The following NMNAT2 variants were observed in gnomAD, a reference collection of about 807,000 sequenced individuals.
NMNAT2 encodes the protein nicotinamide nucleotide adenylyltransferase 2.
NMNAT2 carries 11 observed loss-of-function variants against 41.6 expected under a neutral mutation model. The observed-to-expected ratio is 0.26, with a 90% CI of 0.17 to 0.44. The LOEUF is 0.44. Among genes scored for constraint, NMNAT2 ranks in the 20% least tolerant of loss-of-function variants. The pLI is 1.00. For synonymous variants in NMNAT2, 148 were observed against 151.2 expected (o/e 0.98, Z 0.16); for missense variants, 288 against 407.7 (o/e 0.71, Z 2.53).
At chr1:183,350,626 T>C (rs1352483904) in intron 1 of NMNAT2, among the ~76,000 whole-genome samples, 2 of 152,206 alleles carry the variant, frequency 1.3e-5, no homozygotes, top group Non-Finnish European at 2.9e-5. Context: ...ATTTTACATC[T>C]AAATGAGACT....
At chr1:183,288,554 G>A (rs967357065) in intron 4 of NMNAT2, among the ~76,000 whole-genome samples, 3 of 152,226 alleles carry the variant, frequency 2.0e-5, no homozygotes, top group Admixed American at 1.3e-4. Context: ...AGTTCAGGAA[G>A]CCCGGGCATT....
chr1:183,326,768 C>T (rs1443970759), intron 1 of NMNAT2, among the ~76,000 whole-genome samples: 2 of 152,000 alleles, frequency 1.3e-5, no homozygotes, highest in Non-Finnish European at 2.9e-5. Context: ...TTGCAATGGA[C>T]AAGGTGAGAC....
chr1:183,412,450 C>A (rs1649145703), intron 1 of NMNAT2, among the ~76,000 whole-genome samples: 1 of 152,188 alleles, frequency 6.6e-6, no homozygotes, highest in Non-Finnish European at 1.5e-5. Flanking sequence ...GTCTCGATCT[C>A]CTGACCTCAT....
intron 1 of NMNAT2, among the ~76,000 whole-genome samples, chr1:183,417,566 C>T (rs752439981): frequency 1.3e-5 from 2 of 152,144 alleles, no homozygotes; most frequent in African/African-American, 2.4e-5. Context: ...AGGGCCCCCT[C>T]CCTATTCACT....
intron 1 of NMNAT2, among the ~76,000 whole-genome samples, chr1:183,310,982 C>T (rs1302238227): frequency 1.3e-5 from 2 of 152,164 alleles, no homozygotes; most frequent in African/African-American, 2.4e-5. Flanking sequence ...AAAGGGATTT[C>T]CCAGCTACCC....
intron 1 of NMNAT2, chr1:183,304,816 G>T (rs1661959429): frequency 5.6e-6 from 9 of 1,605,586 alleles, no homozygotes; most frequent in Non-Finnish European, 7.6e-6. Flanking sequence ...TGGTGCAGCT[G>T]CTCCCTCATT....
At chr1:183,269,382 A>C (rs1228070329) in intron 8 of NMNAT2, among the ~76,000 whole-genome samples, 1 of 152,242 alleles carries the variant, frequency 6.6e-6, no homozygotes, top group Non-Finnish European at 1.5e-5. Flanking sequence ...ACAGGACTTG[A>C]AACTTCCATC....
chr1:183,339,128 C>T (rs895733114), intron 1 of NMNAT2, among the ~76,000 whole-genome samples: 2 of 151,988 alleles, frequency 1.3e-5, no homozygotes, highest in East Asian at 3.9e-4. Context: ...GATGGAGTCT[C>T]GCTCTGTCGC....
intron 1 of NMNAT2, among the ~76,000 whole-genome samples, chr1:183,308,055 T>C (rs1282252972): frequency 1.3e-5 from 2 of 152,158 alleles, no homozygotes; most frequent in Non-Finnish European, 2.9e-5. Context: ...AGGTTATTGA[T>C]TGAGCTCTGC....
At chr1:183,394,057 G>GA in intron 1 of NMNAT2, among the ~76,000 whole-genome samples, 1 of 152,284 alleles carries the variant, frequency 6.6e-6, no homozygotes, top group Non-Finnish European at 1.5e-5. Context: ...GCTATGAAGG[G>GA]AAAAGAGATA....
rs1237741037 is a variant in NMNAT2, at chr1:183,310,824, G to A, written c.86-17031C>T. Among the ~76,000 whole-genome samples, 4 of 149,766 alleles carry A rather than the reference G, an allele frequency of 2.7e-5. No individual in the cohort carries two copies. In the East Asian group the frequency reaches 8.0e-4, roughly 30 times the overall value. ...GAAACTCATAATGCCAACACAGGTG[G>A]AAGAATTATGGCCCCAAGGGAAGGA... is the stretch of plus-strand genomic sequence containing the variant. On this transcript the variant is annotated intron_variant, in intron 1 of 10. Coordinates refer to ENST00000287713, the MANE Select transcript of NMNAT2 (RefSeq NM_015039.4).
At chr1:183,363,579 TACAC>T (rs146304060) in intron 1 of NMNAT2, among the ~76,000 whole-genome samples, 24 of 147,588 alleles carry the variant, frequency 1.6e-4, no homozygotes, top group African/African-American at 5.0e-4. Flanking sequence ...CACACACACA[TACAC>T]ACACACACAC....
chr1:183,300,522 T>C (rs1285524058), intron 1 of NMNAT2, among the ~76,000 whole-genome samples: 1 of 152,072 alleles, frequency 6.6e-6, no homozygotes, highest in Non-Finnish European at 1.5e-5. Flanking sequence ...CCCAGAACTG[T>C]GAGCAATAAA....
chr1:183,361,113 A>G (rs1328980164), intron 1 of NMNAT2, among the ~76,000 whole-genome samples: 7 of 152,228 alleles, frequency 4.6e-5, no homozygotes, highest in Admixed American at 2.0e-4. Flanking sequence ...TGTTCAATAC[A>G]TGCCAATCAC....
At chr1:183,284,875 G>A (rs566697409) in intron 5 of NMNAT2, 85 bp from the exon 6 acceptor site, 51 of 1,087,026 alleles carry the variant, frequency 4.7e-5, no homozygotes, top group Non-Finnish European at 6.0e-5. Context: ...CATTGGGGCC[G>A]CTGTAAACAT....
chr1:183,311,522 C>A (rs751961636), intron 1 of NMNAT2, among the ~76,000 whole-genome samples: 3 of 152,056 alleles, frequency 2.0e-5, no homozygotes, highest in Non-Finnish European at 4.4e-5. Flanking sequence ...TGGGGATGGA[C>A]AAAGAGGCCT....
At chr1:183,347,991 C>T (rs1281343013) in intron 1 of NMNAT2, among the ~76,000 whole-genome samples, 1 of 152,154 alleles carries the variant, frequency 6.6e-6, no homozygotes, top group Non-Finnish European at 1.5e-5. Context: ...AAGGAGATTC[C>T]TGATATACCT....
intron 1 of NMNAT2, among the ~76,000 whole-genome samples, chr1:183,310,612 TTG>T (rs1662092624): frequency 6.6e-6 from 1 of 152,106 alleles, no homozygotes; most frequent in African/African-American, 2.4e-5. Context: ...ACATTTTTGG[TTG>T]TCACAATTGT....
intron 3 of NMNAT2, among the ~76,000 whole-genome samples, chr1:183,292,154 C>G (rs1400448486): frequency 6.6e-6 from 1 of 152,196 alleles, no homozygotes; most frequent in Non-Finnish European, 1.5e-5. Context: ...CAAATTATAA[C>G]GGTAAGAACT....
Sources: gnomAD v4.1 joint callset for allele counts (sites outside exome capture counted in the v4.1 genomes callset) on GRCh38, gnomAD v4.1.1 for gene constraint, MANE v1.5 for transcripts, NCBI Gene and HGNC (gene_info 2026-07-23, HGNC 2026-07-21) for gene names.